MTCL3: variants seen among roughly 807,000 people sequenced by gnomAD.
The protein encoded by MTCL3 is microtubule cross-linking factor 3.
chr6:127,510,115 C>T, the MTCL3 span, among the ~76,000 whole-genome samples: 4 of 152,016 alleles, frequency 2.6e-5, no homozygotes, highest in South Asian at 4.2e-4. Context: ...CTTCTCAAAT[C>T]GTGAATGCCA....
chr6:127,501,867 A>C, the MTCL3 span, among the ~76,000 whole-genome samples: 1 of 152,224 alleles, frequency 6.6e-6, no homozygotes, highest in South Asian at 2.1e-4. Context: ...TCAAATAAAT[A>C]ATTGTATTTC....
the MTCL3 span, among the ~76,000 whole-genome samples, chr6:127,507,651 G>A: frequency 6.6e-6 from 1 of 151,898 alleles, no homozygotes; most frequent in Non-Finnish European, 1.5e-5. Context: ...AGACCATCCT[G>A]GCTAACACAG....
At chr6:127,479,038 A>G in the MTCL3 span, among the ~76,000 whole-genome samples, 18 of 151,358 alleles carry the variant, frequency 1.2e-4, no homozygotes, top group African/African-American at 2.4e-4. Flanking sequence ...AAAAAAAAAA[A>G]AGAGAAAGGG....
At chr6:127,475,783 G>A in the MTCL3 span, 1 of 1,610,512 alleles carries the variant, frequency 6.2e-7, no homozygotes, top group Non-Finnish European at 8.5e-7. This position sits in a 1 kb window ranked among gnomAD's most constrained non-coding sequence, Gnocchi z 7.3. Context: ...GCTGTCGCGG[G>A]GGCTGCCGCG....
the MTCL3 span, chr6:127,475,421 C>A: frequency 1.2e-6 from 2 of 1,613,276 alleles, no homozygotes; most frequent in Non-Finnish European, 1.7e-6. The surrounding 1 kb of genome is among the most constrained non-coding windows in gnomAD (Gnocchi z 7.3). Flanking sequence ...TAGAGCAGCT[C>A]GTGCTCCCGG....
chr6:127,516,780 G>T, the MTCL3 span: 1 of 1,208,200 alleles, frequency 8.3e-7, no homozygotes, highest in Non-Finnish European at 1.1e-6. Context: ...TGCTCCATTT[G>T]GATGGCGCTT....
At chr6:127,494,806 A>C in the MTCL3 span, among the ~76,000 whole-genome samples, 5 of 152,288 alleles carry the variant, frequency 3.3e-5, no homozygotes, top group East Asian at 7.7e-4. Flanking sequence ...GTGCTTCTTT[A>C]ATATATCATG....
At chr6:127,500,619 C>T in the MTCL3 span, among the ~76,000 whole-genome samples, 1 of 152,210 alleles carries the variant, frequency 6.6e-6, no homozygotes, top group East Asian at 1.9e-4. Context: ...ATTATTTTAT[C>T]ACCTAGGTAT....
the MTCL3 span, among the ~76,000 whole-genome samples, chr6:127,492,013 G>C: frequency 4.6e-5 from 7 of 152,034 alleles, no homozygotes; most frequent in Non-Finnish European, 8.8e-5. Flanking sequence ...ACCCTTGAGA[G>C]ATTGTACAAT....
the MTCL3 span, among the ~76,000 whole-genome samples, chr6:127,507,858 A>AAAG: frequency 7.8e-6 from 1 of 127,702 alleles, no homozygotes; most frequent in Admixed American, 8.2e-5. Context: ...AAAAAAAAAA[A>AAAG]AAAAAAAAAA....
the MTCL3 span, among the ~76,000 whole-genome samples, chr6:127,478,717 G>A: frequency 6.6e-6 from 1 of 151,940 alleles, no homozygotes; most frequent in East Asian, 1.9e-4. Context: ...ATGAGGAGAA[G>A]AAAAGAAAGG....
the MTCL3 span, among the ~76,000 whole-genome samples, chr6:127,474,574 T>C: frequency 6.6e-6 from 1 of 152,026 alleles, no homozygotes. Context: ...CAATTCTGTT[T>C]TAGTTTTATT....
the MTCL3 span, among the ~76,000 whole-genome samples, chr6:127,506,002 C>T: frequency 5.3e-5 from 8 of 152,096 alleles, no homozygotes; most frequent in Non-Finnish European, 1.0e-4. Flanking sequence ...TTATAGGAAG[C>T]TTCGAGAGCA....
the MTCL3 span, among the ~76,000 whole-genome samples, chr6:127,513,981 T>C: frequency 6.6e-6 from 1 of 152,222 alleles, no homozygotes; most frequent in African/African-American, 2.4e-5. Flanking sequence ...TGTTTACACA[T>C]AGCTTTCTTT....
At chr6:127,474,292 T>A in the MTCL3 span, among the ~76,000 whole-genome samples, 1 of 152,194 alleles carries the variant, frequency 6.6e-6, no homozygotes, top group Non-Finnish European at 1.5e-5. Flanking sequence ...TAATTTTTTT[T>A]ATTGAGACAG....
At chr6:127,487,688 A>G in the MTCL3 span, among the ~76,000 whole-genome samples, 9,571 of 152,212 alleles carry the variant, frequency 0.063, 1,052 homozygotes, top group African/African-American at 0.22. Flanking sequence ...CAGGATCCCA[A>G]GCTTCATACT....
At chr6:127,495,708 A>C in the MTCL3 span, among the ~76,000 whole-genome samples, 34 of 152,192 alleles carry the variant, frequency 2.2e-4, no homozygotes, top group African/African-American at 7.5e-4. Flanking sequence ...TCCAAAATGC[A>C]CTGAAAGGAT....
the MTCL3 span, among the ~76,000 whole-genome samples, chr6:127,480,493 A>G: frequency 6.6e-6 from 1 of 152,240 alleles, no homozygotes; most frequent in South Asian, 2.1e-4. Flanking sequence ...AGCTAAATGA[A>G]TAATAGAGAG....
chr6:127,496,917 G>A, the MTCL3 span, among the ~76,000 whole-genome samples: 1 of 152,104 alleles, frequency 6.6e-6, no homozygotes, highest in East Asian at 1.9e-4. Context: ...CCAAACCTAA[G>A]AGACCACATA....
Sources: allele counts gnomAD v4.1 joint callset (sites outside exome capture counted in the v4.1 genomes callset), GRCh38; gene constraint gnomAD v4.1.1; non-coding constraint Gnocchi (gnomAD v3.1); transcripts MANE v1.5; gene names NCBI Gene and HGNC (gene_info 2026-07-23, HGNC 2026-07-21).